The following PPP1R8 variants were observed in gnomAD, a reference collection of about 807,000 sequenced individuals.
PPP1R8 encodes the protein protein phosphatase 1 regulatory subunit 8.
A neutral mutation model predicts 31.3 loss-of-function variants in PPP1R8; 4 were observed. The observed-to-expected ratio is 0.13, with a 90% CI of 0.06 to 0.29. The LOEUF is 0.29. PPP1R8 is among the 10% of genes least tolerant of loss of function. The probability of loss-of-function intolerance (pLI) is 1.00; values close to 1 mark genes in which losing one functional copy is unlikely to be tolerated. For missense variants in PPP1R8, 254 were observed against 440.1 expected (o/e 0.58, Z 3.78); for synonymous variants, 170 against 169.7 (o/e 1.00, Z -0.01).
chr1:27,850,492 G>T lies in PPP1R8; in HGVS notation c.*46G>T, dbSNP rs753366166. The T allele has an allele frequency of 2.0e-6, 3 of 1,466,480 alleles. No homozygotes were observed. The highest frequency in any genetic ancestry group is 2.8e-6 in the Non-Finnish European group (3 of 1,074,090). 90.8% of individuals were successfully genotyped at this position (1,466,480 alleles called of 1,614,324 possible). A position where few individuals can be genotyped will look rare whatever the true frequency, so the allele number is the denominator to read the frequency against. On this transcript the variant is annotated 3_prime_UTR_variant, in exon 7 of 7. Transcript: ENST00000311772. ...GGTGGGATTGGGTGGGAATGGGGTG[G>T]AAGGGTGATGGGGAGCTAATGAACT...
At chr1:27,839,978 T>G (rs562189091) in intron 3 of PPP1R8, among the ~76,000 whole-genome samples, 3 of 152,206 alleles carry the variant, frequency 2.0e-5, no homozygotes, top group Admixed American at 2.0e-4. Context: ...GAGGATCGTT[T>G]GAGCCCAGGA....
Position 27,850,806 on chromosome 1 carries a change from T to C in PPP1R8, c.*360T>C, listed in dbSNP as rs190348424. 1 of 182,772 alleles carries C rather than the reference T, an allele frequency of 5.5e-6. No individual in the cohort carries two copies. The highest frequency in any genetic ancestry group is 1.1e-5 in the Non-Finnish European group (1 of 87,314). 11.3% of individuals were successfully genotyped at this position (182,772 alleles called of 1,614,324 possible). On this transcript the variant is annotated 3_prime_UTR_variant, in exon 7 of 7. Transcript: ENST00000311772. ...GAATCCAGAGCTGTAGAGGTTACAG[T>C]AGCATCACCAGCCTTGGGGGTCCAG... is the stretch of plus-strand genomic sequence containing the variant.
intron 2 of PPP1R8, among the ~76,000 whole-genome samples, chr1:27,833,976 C>A (rs534131263): frequency 6.6e-6 from 1 of 152,282 alleles, no homozygotes; most frequent in East Asian, 1.9e-4. Flanking sequence ...AGATTTAAAA[C>A]CTCAAGATTA....
intron 1 of PPP1R8, among the ~76,000 whole-genome samples, chr1:27,832,142 C>G (rs1378024958): frequency 6.6e-6 from 1 of 152,188 alleles, no homozygotes; most frequent in East Asian, 1.9e-4. Context: ...ATATGAGTCT[C>G]CCTTGAATGG....
chr1:27,841,303 T>C, intron 4 of PPP1R8, 69 bp downstream of exon 4: 1 of 1,519,486 alleles, frequency 6.6e-7, no homozygotes, highest in Admixed American at 1.8e-5. Context: ...AGCTGTTCTA[T>C]GTAGCTGGAA....
intron 4 of PPP1R8, among the ~76,000 whole-genome samples, chr1:27,842,840 T>C (rs1217654042): frequency 6.6e-6 from 1 of 152,214 alleles, no homozygotes; most frequent in African/African-American, 2.4e-5. Context: ...TCTCAGCTTA[T>C]TGTGGGCATG....
chr1:27,842,298 C>T lies in PPP1R8; in HGVS notation c.493-888C>T, dbSNP rs189016533. On this transcript the variant is annotated intron_variant, in intron 4 of 6. Coordinates refer to ENST00000311772, the MANE Select transcript of PPP1R8 (RefSeq NM_014110.5). Reference sequence around the variant, plus strand: ...TGGAGGTTGTGGTGAGCCAAGATCGCGCAGTTGCACTCCAGCCTGGGCAAC... The same window carrying T: ...TGGAGGTTGTGGTGAGCCAAGATCGTGCAGTTGCACTCCAGCCTGGGCAAC... Among the ~76,000 whole-genome samples the T allele has an allele frequency of 6.2e-3, 924 of 148,880 alleles. 4 individuals are homozygous for T. The highest frequency in any genetic ancestry group is 1.0e-2 in the Non-Finnish European group (676 of 67,644).
Position 27,830,782 on chromosome 1 carries a change from C to T in PPP1R8, c.-54C>T, listed in dbSNP as rs944098331. On this transcript the variant is annotated 5_prime_UTR_variant, in exon 1 of 7. Transcript: ENST00000311772. The stretch of plus-strand genomic sequence containing the variant: ...GGGATGCCGCTTTTCCCTTCTCGGT[C>T]TTCCAGTTTCCCGGCGTGCTTAGGG... 92 of 1,553,150 alleles carry T rather than the reference C, an allele frequency of 5.9e-5. No individual in the cohort carries two copies. Among genetic ancestry groups the T allele is most frequent in the Non-Finnish European group, 7.2e-5 (83 of 1,149,114 alleles).
chr1:27,834,277 T>A (rs1375192580), intron 2 of PPP1R8: 1 of 370,834 alleles, frequency 2.7e-6, no homozygotes, highest in Non-Finnish European at 5.4e-6. Flanking sequence ...CTGATAACGT[T>A]CTCTTTCGAT....
chr1:27,839,822 G>T (rs990484102), intron 3 of PPP1R8, among the ~76,000 whole-genome samples: 4 of 152,130 alleles, frequency 2.6e-5, no homozygotes, highest in Non-Finnish European at 5.9e-5. Context: ...ACTTTGGGAG[G>T]CCGATGTCAG....
intron 5 of PPP1R8, among the ~76,000 whole-genome samples, chr1:27,846,237 G>T (rs1348645001): frequency 6.6e-6 from 1 of 152,226 alleles, no homozygotes; most frequent in African/African-American, 2.4e-5. Flanking sequence ...TGGTGCCTCT[G>T]CATGTTTCCA....
intron 2 of PPP1R8, chr1:27,834,342 C>CAT: frequency 2.1e-6 from 1 of 486,378 alleles, no homozygotes; most frequent in South Asian, 1.5e-5. Flanking sequence ...CCTTAGACAT[C>CAT]ACTGTATTCT....
intron 5 of PPP1R8, among the ~76,000 whole-genome samples, 165 bp downstream of exon 5, chr1:27,843,495 A>T (rs910487646): frequency 2.6e-5 from 4 of 151,818 alleles, no homozygotes; most frequent in East Asian, 1.9e-4. Context: ...CATCTCTATT[A>T]AAAAAAATAC....
chr1:27,834,974 C>T (rs1240831126), intron 2 of PPP1R8, among the ~76,000 whole-genome samples: 2 of 152,132 alleles, frequency 1.3e-5, no homozygotes, highest in African/African-American at 2.4e-5. Context: ...GTGGAGATTG[C>T]ACCACTGCAC....
chr1:27,837,589 G>T (rs1236922334), intron 2 of PPP1R8, among the ~76,000 whole-genome samples: 2 of 149,836 alleles, frequency 1.3e-5, no homozygotes, highest in African/African-American at 4.9e-5. Context: ...AACCATCCTG[G>T]CTAACACGGT....
intron 5 of PPP1R8, 121 bp downstream of exon 5, chr1:27,843,451 G>A: frequency 3.3e-6 from 4 of 1,207,244 alleles, no homozygotes; most frequent in East Asian, 4.9e-5. Flanking sequence ...AAGGTCAAGA[G>A]TTCAAGACTA....
chr1:27,838,528 T>G (rs1006972027), intron 2 of PPP1R8, among the ~76,000 whole-genome samples, 171 bp from the exon 3 acceptor site: 1 of 152,210 alleles, frequency 6.6e-6, no homozygotes, highest in South Asian at 2.1e-4. Context: ...GGGAGATATT[T>G]TTTTCTCCTT....
At chr1:27,842,232 C>T (rs549601686) in intron 4 of PPP1R8, among the ~76,000 whole-genome samples, 1 of 151,878 alleles carries the variant, frequency 6.6e-6, no homozygotes, top group African/African-American at 2.4e-5. Context: ...ATCCCAGCTA[C>T]TCAGGAGGCT....
rs538265271 is a variant in PPP1R8, at chr1:27,848,014, CATT to C, written c.702+926_702+928del. The stretch of plus-strand genomic sequence containing the variant: ...AGTAAGCTATTAGGTGGAGGAGATG[CATT>C]ATTGCAATACCACACAGTTTGCCAT... On this transcript the variant is annotated intron_variant, in intron 6 of 6. Coordinates refer to ENST00000311772, the MANE Select transcript of PPP1R8 (RefSeq NM_014110.5). Among the ~76,000 whole-genome samples, 22 of 152,294 alleles carry C rather than the reference CATT, an allele frequency of 1.4e-4. No homozygotes were observed. The East Asian group carries it at 4.2e-3, about 29-fold the overall frequency.
Sources: allele counts gnomAD v4.1 joint callset (sites outside exome capture counted in the v4.1 genomes callset), GRCh38; gene constraint gnomAD v4.1.1; transcripts MANE v1.5; gene names NCBI Gene and HGNC (gene_info 2026-07-23, HGNC 2026-07-21).